Variants in TOP3B observed in about 807,000 individuals in gnomAD.
The protein encoded by TOP3B is DNA topoisomerase 3-beta-1.
Under a neutral mutation model 93.9 loss-of-function variants are expected in TOP3B, and 45 were observed. The ratio of observed to expected loss-of-function variants is 0.48; its 90% CI spans 0.38 to 0.61. TOP3B has a LOEUF of 0.61. Ranked by LOEUF, TOP3B falls within the 20% of genes least tolerant of loss-of-function variation. The probability of loss-of-function intolerance (pLI) is 0.00; values close to 1 mark genes in which losing one functional copy is unlikely to be tolerated. For missense variants in TOP3B, 750 were observed against 1,156.1 expected (o/e 0.65, Z 5.09); for synonymous variants, 357 against 472.6 (o/e 0.76, Z 3.17).
Position 21,965,944 on chromosome 22 carries a change from G to T in TOP3B, c.853-569C>A, listed in dbSNP as rs140373780. 3.7e-4 allele frequency: 57 copies of T among 153,176 alleles called. No homozygotes were observed. In the East Asian group the frequency reaches 0.011, roughly 29 times the overall value. 9.5% of individuals were successfully genotyped at this position (153,176 alleles called of 1,614,324 possible). A position where few individuals can be genotyped will look rare whatever the true frequency, so the allele number is the denominator to read the frequency against. On this transcript the variant is annotated intron_variant, in intron 8 of 17. Transcript: ENST00000357179. ...GTCCTGCTCTGTCGCCCAGGCTGGA[G>T]TGCAGTGGCACCATCAGAGCTTACT...
At chr22:21,982,704 C>G (rs2145898419) in intron 1 of TOP3B, 26 bp downstream of exon 1, 1 of 152,352 alleles carries the variant, frequency 6.6e-6, no homozygotes, top group East Asian at 1.9e-4. Flanking sequence ...AGCCGCCGGG[C>G]GAGGGTCCCG....
At chr22:21,979,940 C>T (rs1230473649) in intron 1 of TOP3B, among the ~76,000 whole-genome samples, 1 of 86,088 alleles carries the variant, frequency 1.2e-5, no homozygotes, top group African/African-American at 5.1e-5. Flanking sequence ...GACTCCATCT[C>T]CAAAAAAAAA....
In TOP3B at chr22:21,971,813, G is replaced by T; in HGVS notation, c.384+64C>A. The T allele has an allele frequency of 1.4e-6, 2 of 1,453,550 alleles. No individual in the cohort carries two copies. The highest frequency in any genetic ancestry group is 9.7e-7 in the Non-Finnish European group (1 of 1,034,252). The allele number at this position is 1,453,550 out of a possible 1,614,324, so 90.0% of individuals were successfully genotyped here. ...CCAGGAGTGATGTGACTGACTGCTG[G>T]TGTCAGTTTGGGGCTGGTGTCAGAA... On this transcript the variant is annotated intron_variant, in intron 5 of 17. Coordinates refer to ENST00000357179, the MANE Select transcript of TOP3B (RefSeq NM_001282112.2). This position sits in a 1 kb window ranked among gnomAD's most constrained non-coding sequence, Gnocchi z 4.6.
intron 8 of TOP3B, 124 bp downstream of exon 8, chr22:21,967,479 T>C: frequency 2.7e-6 from 2 of 745,458 alleles, no homozygotes; most frequent in Non-Finnish European, 4.6e-6. Context: ...CAAAAAGATG[T>C]CTGTGTTTCA....
At chr22:21,975,477 T>C (rs961035342) in intron 2 of TOP3B, 163 bp downstream of exon 2, 1 of 705,944 alleles carries the variant, frequency 1.4e-6, no homozygotes, top group African/African-American at 1.8e-5. Context: ...TTGCCAGGAG[T>C]GGAAGCAAAT....
intron 8 of TOP3B, chr22:21,966,155 C>G (rs1331635838): frequency 1.3e-5 from 2 of 152,188 alleles, no homozygotes; most frequent in African/African-American, 4.8e-5. Context: ...CTCGCCTCAG[C>G]TTCTCAAAGT....
intron 1 of TOP3B, among the ~76,000 whole-genome samples, chr22:21,977,993 T>C (rs1323977846): frequency 6.7e-6 from 1 of 149,664 alleles, no homozygotes; most frequent in Non-Finnish European, 1.5e-5. Context: ...GTGAGGTCCT[T>C]GGGGAGGATA....
In TOP3B at chr22:21,963,037, G is replaced by C. The variant is rs1350870600; in HGVS notation, c.1205-144C>G. 9.6e-7 allele frequency: 1 copy of C among 1,042,656 alleles called. No individual in the cohort carries two copies. The highest frequency in any genetic ancestry group is 1.4e-6 in the Non-Finnish European group (1 of 711,806). The allele number at this position is 1,042,656 out of a possible 1,614,324, so 64.6% of individuals were successfully genotyped here. On this transcript the variant is annotated intron_variant, in intron 11 of 17. Transcript: ENST00000357179. This position sits in a 1 kb window ranked among gnomAD's most constrained non-coding sequence, Gnocchi z 4.8. Reference sequence around the variant, plus strand: ...CTGCAAATCCTGGGGAAGGAGGAAAGAAAATGTGCAGGAAGGCCGGGCGTG... The same window carrying C: ...CTGCAAATCCTGGGGAAGGAGGAAACAAAATGTGCAGGAAGGCCGGGCGTG...
rs1208145997 is a variant in TOP3B, at chr22:21,975,715, C to G, written c.-6G>C. 1 of 1,606,158 alleles carries G rather than the reference C, an allele frequency of 6.2e-7. No individual in the cohort carries two copies. The highest frequency in any genetic ancestry group is 8.5e-7 in the Non-Finnish European group (1 of 1,174,560). On this transcript the variant is annotated 5_prime_UTR_variant, in exon 2 of 18. Coordinates refer to ENST00000357179, the MANE Select transcript of TOP3B (RefSeq NM_001282112.2). ...ACCATGAGCACAGTCTTCATTTTGT[C>G]TCGGTCCTTCACACTCCAGTTTCGG...
Position 21,962,762 on chromosome 22 carries a change from T to A in TOP3B, c.1336A>T (p.Thr446Ser). The A allele has an allele frequency of 6.2e-7, 1 of 1,614,050 alleles. No individual in the cohort carries two copies. Among genetic ancestry groups the A allele is most frequent in the Non-Finnish European group, 8.5e-7 (1 of 1,179,988 alleles). Residue 446 changes from threonine (T) to serine (S), a missense_variant, in exon 12 of 18, where the codon ACC becomes TCC. Physicochemically the swap from Thr to Ser is moderately conservative, Grantham distance 58 (BLOSUM62 1). Around this residue, in one of 4 missense-constraint regions of TOP3B, gnomAD observed 737 missense variants for 933.7 expected, o/e 0.79. Transcript: ENST00000357179. Reference protein sequence around the residue: ...GPELFTCSGKTVLSPGFTEVM... With the variant: ...GPELFTCSGKSVLSPGFTEVM... ...GTGGTGTGACCTGGTGAGAGGACGG[T>A]CTTCCCGGAGCAGGTGAAGAGCTCG...
Position 21,963,723 on chromosome 22 carries a change from C to T in TOP3B, c.1204+200G>A. On this transcript the variant is annotated intron_variant, in intron 11 of 17. Transcript: ENST00000357179. The surrounding 1 kb of genome is among the most constrained non-coding windows in gnomAD (Gnocchi z 4.8). The stretch of plus-strand genomic sequence containing the variant: ...CGTCTGCCCCCTTGCCTCCCTGCAA[C>T]AGCACCTGCTGCTACCTCTTCACTC... 1 of 594,764 alleles carries T rather than the reference C, an allele frequency of 1.7e-6. No individual in the cohort carries two copies. The highest frequency in any genetic ancestry group is 3.0e-6 in the Non-Finnish European group (1 of 338,716). 36.8% of individuals were successfully genotyped at this position (594,764 alleles called of 1,614,324 possible).
At chr22:21,972,766 A>T (rs777612207) in intron 3 of TOP3B, 48 bp from the exon 4 acceptor site, 2 of 1,475,608 alleles carry the variant, frequency 1.4e-6, no homozygotes, top group South Asian at 2.3e-5. Context: ...TCAGCCTCCG[A>T]GACCATCATA....
In TOP3B at chr22:21,964,261, T is replaced by C. The variant is rs2071325803; in HGVS notation, c.998A>G (p.Tyr333Cys). Residue 333 changes from tyrosine (Y) to cysteine (C), a missense_variant, in exon 10 of 18, where the codon TAC becomes TGC. Physicochemically the swap from Tyr to Cys is radical, Grantham distance 194. Coordinates refer to ENST00000357179, the MANE Select transcript of TOP3B (RefSeq NM_001282112.2). ...GGTCTCTGTCCGTGGGTAGCTGATG[T>C]AGCCTTGCGTGTAGAGCCGCTCAGC... ...QTAERLYTQG[Y>C]ISYPRTETTH... is the part of the protein sequence containing the mutation. 6.2e-7 allele frequency: 1 copy of C among 1,614,154 alleles called. No homozygotes were observed. Among genetic ancestry groups the C allele is most frequent in the Non-Finnish European group, 8.5e-7 (1 of 1,180,028 alleles).
intron 3 of TOP3B, chr22:21,973,063 G>A (rs541316918): frequency 1.4e-5 from 5 of 365,130 alleles, no homozygotes; most frequent in Middle Eastern, 9.1e-4. Flanking sequence ...CTCTTTGCCT[G>A]AGCACTGGAC....
chr22:21,965,329 G>A lies in TOP3B; in HGVS notation c.899C>T (p.Ala300Val). Reference sequence around the variant, plus strand: ...ACGCAGCATCTCCACAGTGTTCAGGGCCAGGGGCCTCTGCTTGGCCTTTTC... The same window carrying A: ...ACGCAGCATCTCCACAGTGTTCAGGACCAGGGGCCTCTGCTTGGCCTTTTC... Reference protein sequence around the residue: ...RKEKAKQRPLALNTVEMLRVA... With the variant: ...RKEKAKQRPLVLNTVEMLRVA... The change falls in exon 9 of 18, where the codon GCC (alanine) becomes GTC (valine). Residue 300 changes from alanine to valine, a missense_variant. By Grantham distance (64) the Ala-to-Val change is moderately conservative. Transcript: ENST00000357179. The A allele has an allele frequency of 1.2e-6, 2 of 1,609,780 alleles. No homozygotes were observed. The highest frequency in any genetic ancestry group is 2.2e-5 in the East Asian group (1 of 44,470).
chr22:21,964,588 A>G (rs917019738), intron 9 of TOP3B: 16 of 512,628 alleles, frequency 3.1e-5, no homozygotes, highest in Admixed American at 6.5e-5. Context: ...CCCACGGTGC[A>G]TCCTCATGGG....
intron 6 of TOP3B, chr22:21,969,472 G>A (rs1401784237): frequency 6.6e-6 from 1 of 152,088 alleles, no homozygotes; most frequent in African/African-American, 2.4e-5. Context: ...GTGGTGGCAG[G>A]AGCCTGTAAT....
rs1012307815 is a variant in TOP3B, at chr22:21,957,644, G to GCCC, written c.2108-52_2108-50dup. Reference sequence around the variant, plus strand: ...AAAGGCACGCCCACTGTGCCCACCTGCCCTCTGCTGCCTGCTCCCAATGCC... The same window carrying GCCC: ...AAAGGCACGCCCACTGTGCCCACCTGCCCCCCTCTGCTGCCTGCTCCCAATGCC... On this transcript the variant is annotated intron_variant, in intron 17 of 17. Transcript: ENST00000357179. The GCCC allele has an allele frequency of 1.5e-5, 19 of 1,304,518 alleles. No homozygotes were observed. In the African/African-American group the frequency reaches 2.7e-4, roughly 19 times the overall value. The allele number at this position is 1,304,518 out of a possible 1,614,324, so 80.8% of individuals were successfully genotyped here.
intron 7 of TOP3B, 177 bp from the exon 8 acceptor site, chr22:21,967,893 C>A: frequency 1.7e-6 from 1 of 583,904 alleles, no homozygotes; most frequent in Non-Finnish European, 3.1e-6. Context: ...ACATCTGGCC[C>A]TCTCCACCAC....
Sources: gnomAD v4.1 joint callset for allele counts (sites outside exome capture counted in the v4.1 genomes callset) on GRCh38, gnomAD v4.1.1 for gene constraint, gnomAD v4.1.1 regional missense constraint, Gnocchi (gnomAD v3.1) non-coding constraint, MANE v1.5 for transcripts, NCBI Gene and HGNC (gene_info 2026-07-23, HGNC 2026-07-21) for gene names.